SHB: variants seen among roughly 807,000 people sequenced by gnomAD.
The protein encoded by SHB is SH2 domain-containing adapter protein B.
Under a neutral mutation model 52.3 loss-of-function variants are expected in SHB, and 20 were observed. The ratio of observed to expected loss-of-function variants is 0.38; its 90% confidence interval spans 0.27 to 0.56. The LOEUF (loss-of-function observed/expected upper bound fraction) is 0.56, where lower values mean the gene tolerates loss of function less well. SHB is among the 20% of genes least tolerant of loss of function. The pLI is 0.71. For missense variants in SHB, 825 were observed against 723.3 expected (o/e 1.14, Z -1.61); for synonymous variants, 397 against 316.5 (o/e 1.25, Z -2.70).
At chr9:37,965,409 A>C (rs373427249) in intron 3 of SHB, among the ~76,000 whole-genome samples, 4 of 152,178 alleles carry the variant, frequency 2.6e-5, no homozygotes, top group South Asian at 2.1e-4. Context: ...GGCTACTCAG[A>C]AATGCCCTCC....
chr9:38,001,587 C>A (rs899272828), intron 2 of SHB, among the ~76,000 whole-genome samples: 3 of 152,322 alleles, frequency 2.0e-5, no homozygotes, highest in Admixed American at 6.5e-5. Flanking sequence ...CATGTCCAGG[C>A]GGGTTGGGTT....
At chr9:37,958,180 G>A (rs1832656562) in intron 3 of SHB, among the ~76,000 whole-genome samples, 1 of 152,206 alleles carries the variant, frequency 6.6e-6, no homozygotes, top group South Asian at 2.1e-4. Context: ...TAATTAGAGG[G>A]ACAGAGAGCA....
intron 1 of SHB, among the ~76,000 whole-genome samples, chr9:38,029,726 A>C (rs896392721): frequency 2.0e-5 from 3 of 152,160 alleles, no homozygotes; most frequent in Non-Finnish European, 4.4e-5. Flanking sequence ...CCTGACCTCA[A>C]GTGATACGCC....
At position 38,068,382 on chromosome 9, in the gene SHB, C is replaced by T. The variant is rs746127766; in HGVS notation, c.264G>A (p.Lys88=). The change falls in exon 1 of 6, where the codon AAG becomes AAA. Residue 88 remains lysine (K), a synonymous_variant. Transcript: ENST00000377707. ...TGTAGGGGTCCTCGAAGTCTCGCTC[C>T]TTCTGCGCGCGGTAGGCGCGGATGA... ...SDLIRAYRAQ[K]ERDFEDPYNG... 34 of 1,576,178 alleles carry T rather than the reference C, an allele frequency of 2.2e-5. No homozygotes were observed. Among genetic ancestry groups the T allele is most frequent in the African/African-American group, 1.3e-4 (9 of 71,440 alleles).
intron 3 of SHB, among the ~76,000 whole-genome samples, chr9:37,965,628 G>T (rs969432335): frequency 1.3e-5 from 2 of 150,742 alleles, no homozygotes; most frequent in African/African-American, 4.9e-5. Flanking sequence ...CCAGGCTGGA[G>T]TGAGTGGCAC....
intron 2 of SHB, among the ~76,000 whole-genome samples, chr9:37,982,691 C>T (rs993970459): frequency 7.3e-5 from 11 of 151,288 alleles, no homozygotes; most frequent in Admixed American, 6.6e-4. Context: ...CCTAGCTACT[C>T]GGGAGGCTGA....
At chr9:37,992,726 G>A (rs1203375064) in intron 2 of SHB, among the ~76,000 whole-genome samples, 1 of 152,196 alleles carries the variant, frequency 6.6e-6, no homozygotes. Context: ...TGGTGTAAAT[G>A]AACTAGACAG....
In SHB at chr9:38,068,340, C is replaced by G. The variant is rs751267651; in HGVS notation, c.306G>C (p.Ser102=). The G allele has an allele frequency of 6.5e-7, 1 of 1,549,888 alleles. No individual in the cohort carries two copies. The highest frequency in any genetic ancestry group is 8.7e-7 in the Non-Finnish European group (1 of 1,153,256). Reference sequence around the variant, plus strand: ...GGCACATGGCGCGCAGTTTGCGCAGCGACGAGCCAGGCCCGTTGTAGGGGT... The same window carrying G: ...GGCACATGGCGCGCAGTTTGCGCAGGGACGAGCCAGGCCCGTTGTAGGGGT... ...FEDPYNGPGS[S]LRKLRAMCRL... Residue 102 remains serine (S), a synonymous_variant, in exon 1 of 6, where the codon TCG becomes TCC. Transcript: ENST00000377707.
At chr9:37,929,257 G>A (rs776885041) in intron 5 of SHB, among the ~76,000 whole-genome samples, 2 of 152,268 alleles carry the variant, frequency 1.3e-5, no homozygotes, top group Non-Finnish European at 2.9e-5. Context: ...GTGCCGCCGA[G>A]TATGCAGGAT....
Position 38,068,539 on chromosome 9 carries a change from C to T in SHB, c.107G>A (p.Arg36Gln), listed in dbSNP as rs766301391. 230 of 1,448,432 alleles carry T rather than the reference C, an allele frequency of 1.6e-4. No individual in the cohort carries two copies. Among genetic ancestry groups the T allele is most frequent in the Non-Finnish European group, 1.9e-4 (211 of 1,112,970 alleles). 89.7% of individuals were successfully genotyped at this position (1,448,432 alleles called of 1,614,324 possible). ...DYREQRRRGE[R>Q]PSQPPQAVPQ... ...CACGGCCTGGGGGGGCTGCGAAGGCCGCTCGCCTCGGCGCCGCTGCTCGCG... is the reference window on the plus strand; with the variant it reads ...CACGGCCTGGGGGGGCTGCGAAGGCTGCTCGCCTCGGCGCCGCTGCTCGCG... The change falls in exon 1 of 6, where the codon CGG becomes CAG. Residue 36 changes from arginine to glutamine, a missense_variant. Coordinates refer to ENST00000377707, the MANE Select transcript of SHB (RefSeq NM_003028.3).
At chr9:37,982,497 A>C (rs1489418098) in intron 2 of SHB, among the ~76,000 whole-genome samples, 1 of 152,002 alleles carries the variant, frequency 6.6e-6, no homozygotes, top group Non-Finnish European at 1.5e-5. Flanking sequence ...CGTCTCAAAA[A>C]AAATGGATAA....
rs1340714613 is a variant in SHB, at chr9:38,068,702, C to A, written c.-57G>T. 1.3e-5 allele frequency: 16 copies of A among 1,217,340 alleles called. No individual in the cohort carries two copies. Among genetic ancestry groups the A allele is most frequent in the Non-Finnish European group, 1.5e-5 (15 of 975,094 alleles). The allele number at this position is 1,217,340 out of a possible 1,614,324, so 75.4% of individuals were successfully genotyped here. ...AGCCCGGTCCGCCGCCGCGGCCATT[C>A]GGGGGGCAGCGCTGCGGCGCAGGTC... On this transcript the variant is annotated 5_prime_UTR_variant, in exon 1 of 6. Transcript: ENST00000377707.
intron 1 of SHB, among the ~76,000 whole-genome samples, chr9:38,030,887 A>G (rs1490833400): frequency 1.3e-5 from 2 of 151,980 alleles, no homozygotes; most frequent in African/African-American, 2.4e-5. Context: ...CATCTGTAGA[A>G]TGGGTAGAGT....
chr9:37,983,655 G>A (rs180846165), intron 2 of SHB, among the ~76,000 whole-genome samples: 226 of 152,266 alleles, frequency 1.5e-3, no homozygotes, highest in Non-Finnish European at 1.1e-3. Flanking sequence ...GAGTTGTATG[G>A]CTCTCCACTC....
chr9:38,043,707 T>C (rs1821609794), intron 1 of SHB, among the ~76,000 whole-genome samples: 1 of 152,042 alleles, frequency 6.6e-6, no homozygotes, highest in Non-Finnish European at 1.5e-5. Context: ...CTGACCAACA[T>C]GGAGAAACCC....
At chr9:38,047,847 C>CA (rs2118157551) in intron 1 of SHB, among the ~76,000 whole-genome samples, 1 of 152,358 alleles carries the variant, frequency 6.6e-6, no homozygotes, top group South Asian at 2.1e-4. Flanking sequence ...AGTTCCCGCA[C>CA]AGGTCCTTGC....
Position 38,051,877 on chromosome 9 carries a change from C to T in SHB, c.717+16052G>A, listed in dbSNP as rs191390183. 1.2e-4 allele frequency among the ~76,000 whole-genome samples: 19 copies of T among 152,298 alleles called. No individual in the cohort carries two copies. The East Asian group carries it at 3.3e-3, about 26-fold the overall frequency. ...GACTGAGCCCAGCAAACATCTTCAT[C>T]GTGGCTAACATTTCTTTCCCTCTGG... is the stretch of plus-strand genomic sequence containing the variant. On this transcript the variant is annotated intron_variant, in intron 1 of 5. Transcript: ENST00000377707.
rs569948765 is a variant in SHB at position 37,921,326 on chromosome 9, G to A, written c.1347-1322C>T. ...TCCAGCTCCGCCCCTAGCCGCTGTC[G>A]CTCCCACAGGGGCTCTCAGGGCTTG... On this transcript the variant is annotated intron_variant, in intron 5 of 5. Coordinates refer to ENST00000377707, the MANE Select transcript of SHB (RefSeq NM_003028.3). Among the ~76,000 whole-genome samples the A allele has an allele frequency of 7.2e-5, 11 of 152,254 alleles. No homozygotes were observed. The South Asian group carries it at 8.3e-4, about 11-fold the overall frequency.
intron 1 of SHB, among the ~76,000 whole-genome samples, chr9:38,048,265 C>T (rs1821684888): frequency 1.3e-5 from 2 of 152,058 alleles, no homozygotes; most frequent in Non-Finnish European, 2.9e-5. Context: ...TCCTTCCAGT[C>T]TTTTTTCTAC....
Sources: gnomAD v4.1 joint callset for allele counts (sites outside exome capture counted in the v4.1 genomes callset) on GRCh38, gnomAD v4.1.1 for gene constraint, MANE v1.5 for transcripts, NCBI Gene and HGNC (gene_info 2026-07-23, HGNC 2026-07-21) for gene names.